FGF12: variants seen among roughly 807,000 people sequenced by gnomAD.
The protein encoded by FGF12 is fibroblast growth factor 12, also known as fibroblast growth factor 12B.
FGF12 carries 14 observed loss-of-function variants against 23.6 expected under a neutral mutation model. The ratio of observed to expected loss-of-function variants is 0.59; its 90% confidence interval spans 0.39 to 0.93. The LOEUF (loss-of-function observed/expected upper bound fraction) is 0.93. Ranked by LOEUF, FGF12 falls within the 40% of genes least tolerant of loss-of-function variation. The pLI, the probability that FGF12 is intolerant of heterozygous loss-of-function variation, is 0.00. For synonymous variants in FGF12, 62 were observed against 77.3 expected (o/e 0.80, Z 1.04); for missense variants, 175 against 217.8 (o/e 0.80, Z 1.24).
chr3:192,561,466 G>C (rs191888200), intron 2 of FGF12, among the ~76,000 whole-genome samples: 10 of 151,972 alleles, frequency 6.6e-5, no homozygotes, highest in African/African-American at 1.9e-4. Context: ...GGGTTCAAGC[G>C]ATTCTCCTGC....
At chr3:192,298,113 C>T (rs368858547) in intron 4 of FGF12, among the ~76,000 whole-genome samples, 9 of 152,222 alleles carry the variant, frequency 5.9e-5, no homozygotes, top group Non-Finnish European at 1.2e-4. Context: ...GTCATCCCAA[C>T]ATAAAAAGCT....
chr3:192,241,455 G>A (rs917181165), intron 4 of FGF12, among the ~76,000 whole-genome samples: 1 of 152,022 alleles, frequency 6.6e-6, no homozygotes, highest in Non-Finnish European at 1.5e-5. Context: ...CCGAAATCAA[G>A]GGGATAAGAG....
At chr3:192,319,624 A>G (rs1287613031) in intron 4 of FGF12, among the ~76,000 whole-genome samples, 1 of 152,084 alleles carries the variant, frequency 6.6e-6, no homozygotes, top group African/African-American at 2.4e-5. Context: ...TAAATAAAAT[A>G]ACTACAAAAA....
intron 2 of FGF12, among the ~76,000 whole-genome samples, chr3:192,651,732 T>G (rs1391698039): frequency 6.6e-6 from 1 of 152,162 alleles, no homozygotes; most frequent in Non-Finnish European, 1.5e-5. Flanking sequence ...TTATATAGGA[T>G]TTACAGTTTT....
intron 2 of FGF12, among the ~76,000 whole-genome samples, chr3:192,651,550 A>G (rs1214003101): frequency 6.6e-6 from 1 of 152,210 alleles, no homozygotes; most frequent in African/African-American, 2.4e-5. Context: ...ATTAAAAACA[A>G]AAATAAGATG....
At chr3:192,472,300 G>A (rs1267138858) in intron 2 of FGF12, among the ~76,000 whole-genome samples, 2 of 152,178 alleles carry the variant, frequency 1.3e-5, no homozygotes, top group South Asian at 2.1e-4. Flanking sequence ...ACAGGCATAA[G>A]CCACCGCACC....
intron 4 of FGF12, among the ~76,000 whole-genome samples, chr3:192,185,397 G>A (rs374280562): frequency 3.3e-5 from 5 of 152,156 alleles, no homozygotes; most frequent in African/African-American, 1.2e-4. Context: ...GTTCCATGTC[G>A]GGAGTAGTTT....
chr3:192,478,331 A>G (rs1723385281), intron 2 of FGF12, among the ~76,000 whole-genome samples: 1 of 152,166 alleles, frequency 6.6e-6, no homozygotes, highest in Non-Finnish European at 1.5e-5. Flanking sequence ...CTTACAGCTA[A>G]TAAATGATAA....
intron 4 of FGF12, among the ~76,000 whole-genome samples, chr3:192,285,986 C>G (rs936651885): frequency 3.3e-5 from 5 of 151,982 alleles, no homozygotes; most frequent in African/African-American, 7.2e-5. Flanking sequence ...GATACACAAT[C>G]AATTAAACAA....
chr3:192,621,008 G>A (rs1196948951), intron 2 of FGF12, among the ~76,000 whole-genome samples: 1 of 152,066 alleles, frequency 6.6e-6, no homozygotes, highest in Non-Finnish European at 1.5e-5. Context: ...TTTTAGTCAG[G>A]TAAATTAAGG....
intron 2 of FGF12, among the ~76,000 whole-genome samples, chr3:192,670,269 A>T (rs1364953265): frequency 6.6e-6 from 1 of 152,146 alleles, no homozygotes; most frequent in Non-Finnish European, 1.5e-5. Flanking sequence ...TAGTTATTTT[A>T]ATAAAAATAT....
intron 2 of FGF12, among the ~76,000 whole-genome samples, chr3:192,532,423 C>A (rs1472778614): frequency 6.6e-6 from 1 of 152,118 alleles, no homozygotes; most frequent in Non-Finnish European, 1.5e-5. Context: ...TCTATGATTT[C>A]TTTCAGCATT....
chr3:192,372,477 T>A (rs1259165626), intron 2 of FGF12, among the ~76,000 whole-genome samples: 2 of 152,072 alleles, frequency 1.3e-5, no homozygotes, highest in African/African-American at 4.8e-5. Context: ...AATAATACTT[T>A]CGGCAAAAGA....
intron 2 of FGF12, among the ~76,000 whole-genome samples, chr3:192,505,420 T>C (rs539850563): frequency 2.1e-4 from 32 of 152,330 alleles, no homozygotes; most frequent in African/African-American, 7.2e-4. Context: ...CCTCTTTCCA[T>C]ATTTAGAATA....
chr3:192,161,407 C>G (rs569459641), intron 5 of FGF12, among the ~76,000 whole-genome samples: 1 of 152,104 alleles, frequency 6.6e-6, no homozygotes, highest in Non-Finnish European at 1.5e-5. Flanking sequence ...CTTGCCTCTG[C>G]AGATTCTAAT....
In FGF12 at chr3:192,223,951, CAA is replaced by C. The variant is rs550776520; in HGVS notation, c.229-53297_229-53296del. On this transcript the variant is annotated intron_variant, in intron 4 of 5. Coordinates refer to ENST00000445105, the MANE Select transcript of FGF12 (RefSeq NM_004113.6). ...CCATAGCCCATAAAAAGAAGAAAGA[CAA>C]AGTGTATAGAGTGAGTTGTGATAAT... Among the ~76,000 whole-genome samples, 17 of 152,104 alleles carry C rather than the reference CAA, an allele frequency of 1.1e-4. 1 individual carries two copies. In the South Asian group the frequency reaches 3.5e-3, roughly 32 times the overall value.
chr3:192,144,017 A>C lies in FGF12; in HGVS notation c.538T>G (p.Ser180Ala). 1 of 1,602,114 alleles carries C rather than the reference A, an allele frequency of 6.2e-7. No homozygotes were observed. Among genetic ancestry groups the C allele is most frequent in the South Asian group, 1.1e-5 (1 of 90,816 alleles). ...MNGGKVVNQDST is the reference protein window; with the variant it reads ...MNGGKVVNQDAT ...AAGGGGAGAGTTCTCAGCTATGTTG[A>C]ATCTTGATTCACAACTTTGCCTCCA... Residue 180 changes from serine (S) to alanine (A), a missense_variant, in exon 6 of 6, where the codon TCA becomes GCA. Ser to Ala is a moderately conservative substitution (Grantham distance 99). Transcript: ENST00000445105.
intron 4 of FGF12, among the ~76,000 whole-genome samples, chr3:192,293,830 T>C (rs1426841435): frequency 1.3e-5 from 2 of 152,214 alleles, no homozygotes; most frequent in Non-Finnish European, 2.9e-5. Flanking sequence ...CTTTATTTCT[T>C]ACAGTTCCAG....
chr3:192,311,220 G>A (rs1031550302), intron 4 of FGF12, among the ~76,000 whole-genome samples: 2 of 152,068 alleles, frequency 1.3e-5, no homozygotes, highest in African/African-American at 4.8e-5. Flanking sequence ...TCACAGAGTT[G>A]TAAAACCATC....
Sources: gnomAD v4.1 joint callset for allele counts (sites outside exome capture counted in the v4.1 genomes callset) on GRCh38, gnomAD v4.1.1 for gene constraint, MANE v1.5 for transcripts, NCBI Gene and HGNC (gene_info 2026-07-23, HGNC 2026-07-21) for gene names.